ASXL3: variants seen among roughly 807,000 people sequenced by gnomAD.
ASXL3 encodes the protein putative Polycomb group protein ASXL3.
In ASXL3, 34 loss-of-function variants were observed where a neutral mutation model predicts 170.6. The ratio of observed to expected loss-of-function variants is 0.20; its 90% CI spans 0.15 to 0.27. The LOEUF (loss-of-function observed/expected upper bound fraction) is 0.27. Among genes scored for constraint, ASXL3 ranks in the 10% least tolerant of loss-of-function variants. The probability of loss-of-function intolerance (pLI) is 1.00; values close to 1 mark genes in which losing one functional copy is unlikely to be tolerated. For missense variants in ASXL3, 2,592 were observed against 2,695.3 expected, an observed-to-expected ratio of 0.96 and a Z score of 0.85; for synonymous variants, 1,002 against 989.1, an observed-to-expected ratio of 1.01 and a Z score of -0.24.
Position 33,739,469 on chromosome 18 carries a change from A to T in ASXL3, c.2065A>T (p.Ile689Leu). The T allele has an allele frequency of 6.2e-7, 1 of 1,613,990 alleles. No homozygotes were observed. The highest frequency in any genetic ancestry group is 8.5e-7 in the Non-Finnish European group (1 of 1,179,878). ...EISPISTSPE[I>L]SEASLMSNLP... Reference sequence around the variant, plus strand: ...ATCTCCAATATCCACTTCACCTGAAATATCAGAAGCATCTCTTATGTCCAA... The same window carrying T: ...ATCTCCAATATCCACTTCACCTGAATTATCAGAAGCATCTCTTATGTCCAA... Residue 689 changes from isoleucine to leucine, a missense_variant, in exon 11 of 12, where the codon ATA (isoleucine) becomes TTA (leucine). Ile to Leu is a conservative substitution (Grantham distance 5). Coordinates refer to ENST00000269197, the MANE Select transcript of ASXL3 (RefSeq NM_030632.3).
At chr18:33,677,956 C>T (rs993853356) in intron 7 of ASXL3, among the ~76,000 whole-genome samples, 1 of 152,212 alleles carries the variant, frequency 6.6e-6, no homozygotes, top group South Asian at 2.1e-4. Flanking sequence ...GTGATACCAT[C>T]ATAGCTCACT....
At position 33,734,406 on chromosome 18, in the gene ASXL3, A is replaced by T. The variant is rs1394727623; in HGVS notation, c.1073A>T (p.Tyr358Phe). The change falls in exon 10 of 12, where the codon TAT becomes TTT. Residue 358 changes from tyrosine to phenylalanine, a missense_variant. Physicochemically the swap from Tyr to Phe is conservative, Grantham distance 22. Coordinates refer to ENST00000269197, the MANE Select transcript of ASXL3 (RefSeq NM_030632.3). ...AAAGAAAAATTCTTTGAGAGGTTTT[A>T]TGGAGAAAAGTAAGTACTAGAGTAT... Reference protein sequence around the residue: ...PWKEKFFERFYGEKLGMSREE... With the variant: ...PWKEKFFERFFGEKLGMSREE... 1 of 1,593,994 alleles carries T rather than the reference A, an allele frequency of 6.3e-7. No homozygotes were observed. Among genetic ancestry groups the T allele is most frequent in the Non-Finnish European group, 8.5e-7 (1 of 1,169,618 alleles).
At chr18:33,646,011 CT>C (rs1249137126) in intron 3 of ASXL3, among the ~76,000 whole-genome samples, 2 of 148,918 alleles carry the variant, frequency 1.3e-5, no homozygotes, top group African/African-American at 2.5e-5. Flanking sequence ...CAAAAGGAAA[CT>C]TTTTTTGGGT....
intron 1 of ASXL3, among the ~76,000 whole-genome samples, chr18:33,598,298 C>T (rs1241024692): frequency 6.6e-6 from 1 of 152,024 alleles, no homozygotes; most frequent in Non-Finnish European, 1.5e-5. Context: ...CTAATATTCT[C>T]ATTTATATTT....
chr18:33,676,069 A>G (rs1015890940), intron 7 of ASXL3, among the ~76,000 whole-genome samples: 4 of 151,376 alleles, frequency 2.6e-5, no homozygotes, highest in African/African-American at 9.7e-5. Flanking sequence ...CTAAAACTAC[A>G]AAAAATTAGC....
intron 5 of ASXL3, among the ~76,000 whole-genome samples, chr18:33,666,508 T>C (rs2066258164): frequency 6.6e-6 from 1 of 152,212 alleles, no homozygotes; most frequent in African/African-American, 2.4e-5. Context: ...AGTGATCTTC[T>C]TAATCCTATT....
intron 4 of ASXL3, among the ~76,000 whole-genome samples, chr18:33,653,624 C>G (rs1359042548): frequency 6.6e-6 from 1 of 152,036 alleles, no homozygotes; most frequent in Admixed American, 6.6e-5. Context: ...CCAGATTATA[C>G]AGTTCACAAG....
intron 8 of ASXL3, among the ~76,000 whole-genome samples, chr18:33,691,909 A>C (rs1827439175): frequency 6.6e-6 from 1 of 152,208 alleles, no homozygotes; most frequent in South Asian, 2.1e-4. Flanking sequence ...ATATATTATC[A>C]GCAATTCTTA....
intron 1 of ASXL3, among the ~76,000 whole-genome samples, chr18:33,597,961 A>G (rs1435686529): frequency 6.6e-6 from 1 of 152,156 alleles, no homozygotes; most frequent in Admixed American, 6.5e-5. Context: ...TAACACTAGC[A>G]TCTTATATGG....
intron 1 of ASXL3, among the ~76,000 whole-genome samples, chr18:33,595,379 G>A (rs997010517): frequency 6.6e-6 from 1 of 152,058 alleles, no homozygotes; most frequent in Non-Finnish European, 1.5e-5. Context: ...TTAATCTAAA[G>A]GAAGGAGATA....
chr18:33,584,098 A>G (rs935889858), intron 1 of ASXL3, among the ~76,000 whole-genome samples: 1 of 152,160 alleles, frequency 6.6e-6, no homozygotes, highest in Non-Finnish European at 1.5e-5. Flanking sequence ...GGAATGCTCA[A>G]TGGATTAGGT....
At chr18:33,701,140 C>G (rs1254717556) in intron 8 of ASXL3, among the ~76,000 whole-genome samples, 1 of 151,620 alleles carries the variant, frequency 6.6e-6, no homozygotes, top group East Asian at 1.9e-4. Context: ...AATATATTCC[C>G]TACATTAATA....
intron 8 of ASXL3, among the ~76,000 whole-genome samples, chr18:33,705,796 C>T (rs912595866): frequency 2.6e-5 from 4 of 151,898 alleles, no homozygotes; most frequent in Admixed American, 6.6e-5. Flanking sequence ...GATAGCTGTA[C>T]AGCTTAATGA....
At chr18:33,710,690 C>T (rs2067043936) in intron 8 of ASXL3, among the ~76,000 whole-genome samples, 1 of 152,104 alleles carries the variant, frequency 6.6e-6, no homozygotes, top group African/African-American at 2.4e-5. Flanking sequence ...GAATTTCCTA[C>T]TTATTTAGAT....
chr18:33,682,107 G>T (rs1394446753), intron 7 of ASXL3, among the ~76,000 whole-genome samples: 1 of 152,102 alleles, frequency 6.6e-6, no homozygotes, highest in Non-Finnish European at 1.5e-5. Context: ...TCTGTCAAGG[G>T]CCAGCGAGTA....
At position 33,740,378 on chromosome 18, in the gene ASXL3, T is replaced by C. The variant is rs781679151; in HGVS notation, c.2974T>C (p.Ser992Pro). 3.7e-6 allele frequency: 6 copies of C among 1,608,878 alleles called. No homozygotes were observed. The Admixed American group carries it at 6.8e-5, about 18-fold the overall frequency. ...AGATGATCAGTCAACCCGGAACATA[T>C]CATCTAGCAGCCCACCTGAGAAAGA... is the stretch of plus-strand genomic sequence containing the variant. The part of the protein sequence containing the change: ...IEDDQSTRNI[S>P]SSSPPEKEQP... Residue 992 changes from serine to proline, a missense_variant, in exon 11 of 12, where the codon TCA (serine) becomes CCA (proline). Coordinates refer to ENST00000269197, the MANE Select transcript of ASXL3 (RefSeq NM_030632.3).
At chr18:33,705,611 C>A (rs114464883) in intron 8 of ASXL3, among the ~76,000 whole-genome samples, 3,181 of 151,732 alleles carry the variant, frequency 0.021, 117 homozygotes, top group African/African-American at 0.073. Flanking sequence ...TTTCCCTGTC[C>A]GTTTCTGATA....
intron 4 of ASXL3, among the ~76,000 whole-genome samples, chr18:33,653,441 C>G (rs180756161): frequency 9.7e-4 from 147 of 152,210 alleles, no homozygotes; most frequent in Admixed American, 8.2e-3. Flanking sequence ...GACACCTGCT[C>G]TACATTGGTG....
chr18:33,636,320 A>G (rs1397760983), intron 2 of ASXL3, among the ~76,000 whole-genome samples: 1 of 103,666 alleles, frequency 9.6e-6, no homozygotes, highest in Non-Finnish European at 2.0e-5. Context: ...AACAACAACA[A>G]CAACAACAAC....
Sources: allele counts gnomAD v4.1 joint callset (sites outside exome capture counted in the v4.1 genomes callset), GRCh38; gene constraint gnomAD v4.1.1; transcripts MANE v1.5; gene names NCBI Gene and HGNC (gene_info 2026-07-23, HGNC 2026-07-21).